RASGRF2: variants seen among roughly 807,000 people sequenced by gnomAD.
The protein encoded by RASGRF2 is Ras protein specific guanine nucleotide releasing factor 2.
A neutral mutation model predicts 151.0 loss-of-function variants in RASGRF2; 76 were observed. The observed-to-expected ratio is 0.50, with a 90% CI of 0.42 to 0.61. RASGRF2 has a LOEUF of 0.61. Ranked by LOEUF, RASGRF2 falls within the 20% of genes least tolerant of loss-of-function variation. The pLI is 0.00. For synonymous variants in RASGRF2, 504 were observed against 566.5 expected, an observed-to-expected ratio of 0.89 and a Z score of 1.57; for missense variants, 1,148 against 1,564.6, an observed-to-expected ratio of 0.73 and a Z score of 4.49.
At chr5:81,089,870 A>G (rs924601803) in intron 9 of RASGRF2, among the ~76,000 whole-genome samples, 2 of 152,220 alleles carry the variant, frequency 1.3e-5, no homozygotes, top group African/African-American at 2.4e-5. Flanking sequence ...ATTATGATAA[A>G]CTTTAAAAGC....
intron 1 of RASGRF2, among the ~76,000 whole-genome samples, chr5:81,002,629 A>G (rs1662941206): frequency 1.3e-5 from 2 of 152,206 alleles, no homozygotes; most frequent in African/African-American, 2.4e-5. Flanking sequence ...GCCTTTAGTA[A>G]TGATCTAGAT....
intron 19 of RASGRF2, among the ~76,000 whole-genome samples, chr5:81,205,950 C>T (rs1400207404): frequency 3.3e-5 from 5 of 152,098 alleles, no homozygotes; most frequent in East Asian, 1.9e-4. Context: ...AGGGTTTCAC[C>T]GTGTTAGCCA....
chr5:81,205,858 C>T (rs949331079), intron 19 of RASGRF2, among the ~76,000 whole-genome samples: 1 of 152,196 alleles, frequency 6.6e-6, no homozygotes, highest in Non-Finnish European at 1.5e-5. Flanking sequence ...TCACGCCATT[C>T]TCCTGCCTCA....
chr5:81,181,818 T>C (rs1033370154), intron 18 of RASGRF2, among the ~76,000 whole-genome samples: 1 of 152,128 alleles, frequency 6.6e-6, no homozygotes, highest in African/African-American at 2.4e-5. Context: ...GGTTCCCCTA[T>C]TCACCTTACT....
chr5:81,212,745 A>G (rs1344234542), intron 23 of RASGRF2, among the ~76,000 whole-genome samples, 182 bp downstream of exon 23: 1 of 152,202 alleles, frequency 6.6e-6, no homozygotes, highest in African/African-American at 2.4e-5. Flanking sequence ...ATTCATGTGC[A>G]TTTCTAAAAC....
At chr5:81,043,771 C>T (rs1201820700) in intron 2 of RASGRF2, among the ~76,000 whole-genome samples, 1 of 152,146 alleles carries the variant, frequency 6.6e-6, no homozygotes, top group Non-Finnish European at 1.5e-5. Flanking sequence ...TGGGGCAACA[C>T]TCTAGCTGTG....
Position 81,073,394 on chromosome 5 carries a change from G to C in RASGRF2, c.829G>C (p.Ala277Pro). 6.2e-7 allele frequency: 1 copy of C among 1,614,070 alleles called. No individual in the cohort carries two copies. The highest frequency in any genetic ancestry group is 8.5e-7 in the Non-Finnish European group (1 of 1,180,018). ...CTTTCTCCGGCCCCTGCGTATGGCCGCCAGCTCCAAGAAGCCCCCCATCAG... is the reference window on the plus strand; with the variant it reads ...CTTTCTCCGGCCCCTGCGTATGGCCCCCAGCTCCAAGAAGCCCCCCATCAG... The part of the protein sequence containing the change: ...NGFLRPLRMA[A>P]SSKKPPISHD... Residue 277 changes from alanine (A) to proline (P), a missense_variant, in exon 5 of 27, where the codon GCC becomes CCC. Ala to Pro is a conservative substitution (Grantham distance 27, BLOSUM62 -1). This residue lies in a region of RASGRF2 where 176 missense variants were observed against 309.6 expected (regional missense o/e 0.57). Coordinates refer to ENST00000265080, the MANE Select transcript of RASGRF2 (RefSeq NM_006909.3).
chr5:81,160,682 A>AAATAATAATAAT (rs531513005), intron 17 of RASGRF2, among the ~76,000 whole-genome samples: 10,216 of 138,346 alleles, frequency 0.074, 427 homozygotes, highest in East Asian at 0.18. Context: ...TCTGTCTCAA[A>AAATAATAATAAT]AATAATAATA....
intron 1 of RASGRF2, among the ~76,000 whole-genome samples, chr5:81,027,051 T>G (rs1364731112): frequency 2.0e-5 from 3 of 152,196 alleles, no homozygotes; most frequent in Non-Finnish European, 4.4e-5. Flanking sequence ...ATAAATCATA[T>G]CCCATAAAAT....
chr5:81,045,417 C>T (rs1464675401), intron 2 of RASGRF2, among the ~76,000 whole-genome samples: 2 of 151,850 alleles, frequency 1.3e-5, no homozygotes, highest in Non-Finnish European at 2.9e-5. Context: ...TTTTTCTGTC[C>T]CAGGAATGCA....
At position 81,170,141 on chromosome 5, in the gene RASGRF2, TCACCTGCAC is replaced by T. The variant is rs1303211714; in HGVS notation, c.2687-10025_2687-10017del. Among the ~76,000 whole-genome samples the T allele has an allele frequency of 9.0e-5, 13 of 145,206 alleles. No homozygotes were observed. In the South Asian group the frequency reaches 1.1e-3, roughly 13 times the overall value. ...ACCAGCATCACCTGCACCACCTGCA[TCACCTGCAC>T]CACCTGCATCACTTGCAGCACCTGC... is the stretch of plus-strand genomic sequence containing the variant. On this transcript the variant is annotated intron_variant, in intron 17 of 26. Coordinates refer to ENST00000265080, the MANE Select transcript of RASGRF2 (RefSeq NM_006909.3).
chr5:81,143,513 T>G, intron 17 of RASGRF2, among the ~76,000 whole-genome samples: 1 of 152,152 alleles, frequency 6.6e-6, no homozygotes, highest in East Asian at 1.9e-4. Context: ...GCAGGAATGC[T>G]GAAAATAATC....
chr5:81,048,065 C>T (rs1750894328), intron 2 of RASGRF2, among the ~76,000 whole-genome samples: 1 of 152,166 alleles, frequency 6.6e-6, no homozygotes, highest in Admixed American at 6.5e-5. Context: ...AGAGAATGCA[C>T]ACAGAGAGAA....
intron 17 of RASGRF2, among the ~76,000 whole-genome samples, chr5:81,136,934 G>GTT (rs60615364): frequency 7.9e-5 from 12 of 151,650 alleles, no homozygotes; most frequent in Non-Finnish European, 1.6e-4. Context: ...CCGTGTCTGT[G>GTT]TTTTTTTATG....
intron 17 of RASGRF2, among the ~76,000 whole-genome samples, chr5:81,139,270 ATTAG>A (rs1398049887): frequency 6.6e-6 from 1 of 152,128 alleles, no homozygotes; most frequent in African/African-American, 2.4e-5. Context: ...AAATTCATTT[ATTAG>A]TTCTACTAGG....
chr5:81,219,698 T>G lies in RASGRF2; in HGVS notation c.3553-12T>G, dbSNP rs765375341. On this transcript the variant is annotated splice_polypyrimidine_tract_variant and intron_variant, in intron 25 of 26. Coordinates refer to ENST00000265080, the MANE Select transcript of RASGRF2 (RefSeq NM_006909.3). Reference sequence around the variant, plus strand: ...TGTTGTTGTCATTTTGTTTTGTTTTTTTCTCTGTTAGATATCACACATCAT... The same window carrying G: ...TGTTGTTGTCATTTTGTTTTGTTTTGTTCTCTGTTAGATATCACACATCAT... 6 of 1,602,938 alleles carry G rather than the reference T, an allele frequency of 3.7e-6. No individual in the cohort carries two copies. The highest frequency in any genetic ancestry group is 4.3e-6 in the Non-Finnish European group (5 of 1,170,178).
chr5:81,134,081 T>C (rs1051029954), intron 17 of RASGRF2, among the ~76,000 whole-genome samples: 23 of 148,516 alleles, frequency 1.5e-4, no homozygotes, highest in Non-Finnish European at 2.8e-4. Flanking sequence ...CTTGTGTGCG[T>C]GTGTGTGTGT....
intron 17 of RASGRF2, among the ~76,000 whole-genome samples, chr5:81,168,324 T>TTC (rs1206087137): frequency 6.7e-6 from 1 of 148,774 alleles, no homozygotes; most frequent in Non-Finnish European, 1.5e-5. Flanking sequence ...TTTTTTTTTT[T>TTC]TTTTAAGACA....
intron 2 of RASGRF2, among the ~76,000 whole-genome samples, chr5:81,061,343 T>G (rs1419183208): frequency 6.6e-6 from 1 of 152,140 alleles, no homozygotes; most frequent in Non-Finnish European, 1.5e-5. Flanking sequence ...ATATAACCAT[T>G]TTGACCTGTT....
Sources: gnomAD v4.1 joint callset for allele counts (sites outside exome capture counted in the v4.1 genomes callset) on GRCh38, gnomAD v4.1.1 for gene constraint, gnomAD v4.1.1 regional missense constraint, MANE v1.5 for transcripts, NCBI Gene and HGNC (gene_info 2026-07-23, HGNC 2026-07-21) for gene names.